The following SLC2A9 variants were observed in gnomAD, a reference collection of about 807,000 sequenced individuals.
SLC2A9 encodes solute carrier family 2, facilitated glucose transporter member 9.
A neutral mutation model predicts 50.6 loss-of-function variants in SLC2A9; 39 were observed. The observed-to-expected ratio is 0.77, with a 90% CI of 0.60 to 1.01. SLC2A9 has a LOEUF of 1.01. Ranked by LOEUF, SLC2A9 falls within the 50% of genes least tolerant of loss-of-function variation. SLC2A9 has a pLI of 0.00. For synonymous variants in SLC2A9, 324 were observed against 276.9 expected (o/e 1.17, Z -1.69); for missense variants, 686 against 677.6 (o/e 1.01, Z -0.14).
chr4:9,790,348 A>T (rs1719751335), intron 3 of SLC2A9, among the ~76,000 whole-genome samples: 1 of 152,166 alleles, frequency 6.6e-6, no homozygotes, highest in Non-Finnish European at 1.5e-5. Flanking sequence ...ATTAGACCTC[A>T]GTTGTCTACA....
chr4:9,889,192 G>C (rs1736862634), intron 9 of SLC2A9, among the ~76,000 whole-genome samples: 1 of 134,022 alleles, frequency 7.5e-6, no homozygotes, highest in South Asian at 2.5e-4. Flanking sequence ...AGGTGTCCAG[G>C]AATGTCCAAG....
intron 11 of SLC2A9, among the ~76,000 whole-genome samples, chr4:9,833,703 G>A (rs1410046357): frequency 1.3e-5 from 2 of 152,190 alleles, no homozygotes; most frequent in African/African-American, 4.8e-5. Context: ...GTTGGGCTTG[G>A]CACTAGTAAA....
At chr4:9,867,265 A>G (rs1451266634) in intron 10 of SLC2A9, among the ~76,000 whole-genome samples, 1 of 152,230 alleles carries the variant, frequency 6.6e-6, no homozygotes, top group African/African-American at 2.4e-5. Context: ...CTGCTAAAGA[A>G]GAAAGAAAGT....
At chr4:9,968,234 T>C (rs1004420076) in intron 5 of SLC2A9, among the ~76,000 whole-genome samples, 12 of 152,162 alleles carry the variant, frequency 7.9e-5, no homozygotes, top group African/African-American at 2.7e-4. Flanking sequence ...TTTCTCAAGG[T>C]GGAGTTTTCG....
Position 10,014,243 on chromosome 4 carries a change from C to T in SLC2A9, c.249+4732G>A, listed in dbSNP as rs886401122. On this transcript the variant is annotated intron_variant, in intron 2 of 11. Coordinates refer to ENST00000264784, the MANE Select transcript of SLC2A9 (RefSeq NM_020041.3). ...GAGAATTCGAGGTGATCGCTGGACG[C>T]TGGGCTGAGCTCCTCCAGCATCACA... is the stretch of plus-strand genomic sequence containing the variant. Among the ~76,000 whole-genome samples the T allele has an allele frequency of 2.6e-5, 4 of 152,298 alleles. No homozygotes were observed. In the East Asian group the frequency reaches 7.7e-4, roughly 29 times the overall value.
At chr4:9,873,974 C>A (rs368960343) in intron 10 of SLC2A9, among the ~76,000 whole-genome samples, 18 of 152,308 alleles carry the variant, frequency 1.2e-4, no homozygotes, top group African/African-American at 4.3e-4. Context: ...AATGCTATGT[C>A]CCAGCTCAAA....
intron 3 of SLC2A9, chr4:9,782,777 C>G: frequency 6.2e-7 from 1 of 1,614,020 alleles, no homozygotes; most frequent in South Asian, 1.1e-5. Flanking sequence ...GCGCATCTAC[C>G]GCATCGCCCA....
rs184650679 is a variant in SLC2A9, at chr4:9,880,249, C to T, written c.1291+7318G>A. On this transcript the variant is annotated intron_variant, in intron 10 of 11. Coordinates refer to ENST00000264784, the MANE Select transcript of SLC2A9 (RefSeq NM_020041.3). ...ACTCTCAATGTGAGTTTAAATGAAG[C>T]TTCTAAACCCTGGTCCATCTTGTGG... 1.8e-5 allele frequency: 18 copies of T among 985,470 alleles called. No individual in the cohort carries two copies. In the Admixed American group the frequency reaches 1.1e-3, roughly 60 times the overall value. 61.0% of individuals were successfully genotyped at this position (985,470 alleles called of 1,614,324 possible).
At chr4:10,036,856 C>T (rs1190673885) in intron 1 of SLC2A9, among the ~76,000 whole-genome samples, 1 of 152,136 alleles carries the variant, frequency 6.6e-6, no homozygotes, top group Non-Finnish European at 1.5e-5. Context: ...TTTCATGTTC[C>T]AAAAAGGATT....
chr4:10,026,243 G>A (rs2109582516), upstream of SLC2A9, among the ~76,000 whole-genome samples: 1 of 152,228 alleles, frequency 6.6e-6, no homozygotes, highest in South Asian at 2.1e-4. Flanking sequence ...TTAAATACAG[G>A]CAATGATCCC....
intron 10 of SLC2A9, among the ~76,000 whole-genome samples, chr4:9,886,195 G>A (rs558346973): frequency 6.6e-6 from 1 of 152,326 alleles, no homozygotes; most frequent in Admixed American, 6.5e-5. Context: ...GTTTGCTCAC[G>A]CATGTCCCCA....
At chr4:9,773,280 C>T (rs1717088540) in intron 1 of SLC2A9, among the ~76,000 whole-genome samples, 1 of 152,168 alleles carries the variant, frequency 6.6e-6, no homozygotes. Context: ...TACCCTATTC[C>T]CTGCCCTGTG....
chr4:9,978,439 ATATT>A (rs1236074266), intron 5 of SLC2A9, among the ~76,000 whole-genome samples: 2 of 152,192 alleles, frequency 1.3e-5, no homozygotes, highest in Non-Finnish European at 2.9e-5. Flanking sequence ...ACTGAGGTAA[ATATT>A]TATTTACTTT....
intron 10 of SLC2A9, among the ~76,000 whole-genome samples, chr4:9,836,586 A>G (rs1272554863): frequency 1.3e-5 from 2 of 152,200 alleles, no homozygotes; most frequent in Non-Finnish European, 2.9e-5. Flanking sequence ...CACCTGAAGG[A>G]GGCAGAGAGG....
At chr4:9,783,698 C>T (rs555093968) in intron 3 of SLC2A9, 5 of 530,788 alleles carry the variant, frequency 9.4e-6, no homozygotes, top group African/African-American at 3.8e-5. Context: ...ACCAACGATC[C>T]TATGAGAGAA....
At chr4:9,914,006 G>A (rs1257947269) in intron 7 of SLC2A9, among the ~76,000 whole-genome samples, 5 of 152,150 alleles carry the variant, frequency 3.3e-5, no homozygotes, top group Non-Finnish European at 7.3e-5. Context: ...TCCCAGCACA[G>A]CCCAGTGAGG....
At chr4:9,840,691 C>T (rs1348649276) in intron 10 of SLC2A9, among the ~76,000 whole-genome samples, 3 of 152,112 alleles carry the variant, frequency 2.0e-5, no homozygotes, top group Admixed American at 6.6e-5. Context: ...CTACCTAGAA[C>T]CCTGAGGAAA....
intron 3 of SLC2A9, among the ~76,000 whole-genome samples, chr4:9,987,743 G>T (rs758473006): frequency 2.6e-5 from 4 of 152,028 alleles, no homozygotes; most frequent in Non-Finnish European, 2.9e-5. Flanking sequence ...CAGGAGAACT[G>T]CTTGAACCCA....
chr4:9,942,943 G>T (rs1748452947), intron 5 of SLC2A9, among the ~76,000 whole-genome samples: 1 of 152,212 alleles, frequency 6.6e-6, no homozygotes, highest in Non-Finnish European at 1.5e-5. Flanking sequence ...ATGGCCAAGG[G>T]CAAAATAAGA....
Sources: gnomAD v4.1 joint callset for allele counts (sites outside exome capture counted in the v4.1 genomes callset) on GRCh38, gnomAD v4.1.1 for gene constraint, MANE v1.5 for transcripts, NCBI Gene and HGNC (gene_info 2026-07-23, HGNC 2026-07-21) for gene names.